FBXL7: variants seen among roughly 807,000 people sequenced by gnomAD.
FBXL7 encodes F-box/LRR-repeat protein 7.
FBXL7 carries 12 observed loss-of-function variants against 38.3 expected under a neutral mutation model. The observed-to-expected ratio is 0.31, with a 90% confidence interval of 0.20 to 0.51. The LOEUF is 0.51. Among genes scored for constraint, FBXL7 ranks in the 20% least tolerant of loss-of-function variants. The probability of loss-of-function intolerance (pLI) is 0.98; values close to 1 mark genes in which losing one functional copy is unlikely to be tolerated. For synonymous variants in FBXL7, 297 were observed against 300.9 expected (o/e 0.99, Z 0.13); for missense variants, 567 against 676.4 (o/e 0.84, Z 1.79).
intron 2 of FBXL7, among the ~76,000 whole-genome samples, chr5:15,821,718 C>G (rs1738173943): frequency 6.6e-6 from 1 of 152,166 alleles, no homozygotes; most frequent in South Asian, 2.1e-4. Flanking sequence ...GAAAGACTTT[C>G]CAGATTTTAA....
intron 1 of FBXL7, among the ~76,000 whole-genome samples, chr5:15,551,823 A>C (rs1189299463): frequency 1.1e-4 from 17 of 152,206 alleles, no homozygotes; most frequent in Admixed American, 1.1e-3. Context: ...ATAGGCTGAC[A>C]CTGGGAGAAG....
intron 2 of FBXL7, among the ~76,000 whole-genome samples, chr5:15,927,448 G>A (rs1026436755): frequency 9.2e-5 from 14 of 152,242 alleles, no homozygotes; most frequent in African/African-American, 3.4e-4. Context: ...GAATGAGAAT[G>A]TTGCCCCCAT....
intron 1 of FBXL7, among the ~76,000 whole-genome samples, chr5:15,511,661 C>T (rs1468264504): frequency 6.6e-6 from 1 of 152,200 alleles, no homozygotes; most frequent in East Asian, 1.9e-4. Flanking sequence ...AATTATAAGG[C>T]ATTTCAGGAA....
At chr5:15,650,155 G>A (rs1249884027) in intron 2 of FBXL7, among the ~76,000 whole-genome samples, 1 of 152,066 alleles carries the variant, frequency 6.6e-6, no homozygotes, top group African/African-American at 2.4e-5. Flanking sequence ...CCTGCTTCAC[G>A]CACAATTGTA....
At chr5:15,766,213 C>A (rs1055427700) in intron 2 of FBXL7, among the ~76,000 whole-genome samples, 5 of 152,194 alleles carry the variant, frequency 3.3e-5, no homozygotes, top group African/African-American at 1.2e-4. Flanking sequence ...GGCCTCCTAG[C>A]CTTCCATGAA....
At chr5:15,806,818 T>C (rs1276268806) in intron 2 of FBXL7, among the ~76,000 whole-genome samples, 1 of 152,214 alleles carries the variant, frequency 6.6e-6, no homozygotes, top group East Asian at 1.9e-4. Context: ...CAGAGTAAGG[T>C]GGACAGCTGA....
At chr5:15,713,369 G>C (rs1743939434) in intron 2 of FBXL7, among the ~76,000 whole-genome samples, 2 of 152,164 alleles carry the variant, frequency 1.3e-5, no homozygotes, top group Admixed American at 1.3e-4. Flanking sequence ...GGAATTATGG[G>C]AGCTACAATT....
chr5:15,715,673 A>T (rs1744023144), intron 2 of FBXL7, among the ~76,000 whole-genome samples: 1 of 152,168 alleles, frequency 6.6e-6, no homozygotes, highest in Non-Finnish European at 1.5e-5. Context: ...TATTTGCAAA[A>T]ATAGGCAGTA....
intron 2 of FBXL7, among the ~76,000 whole-genome samples, chr5:15,626,457 T>C (rs903787712): frequency 1.3e-5 from 2 of 152,156 alleles, no homozygotes; most frequent in Non-Finnish European, 2.9e-5. Flanking sequence ...AGTAATAAGT[T>C]TAATTTCTTG....
intron 2 of FBXL7, among the ~76,000 whole-genome samples, chr5:15,655,866 T>C (rs576758954): frequency 1.1e-4 from 16 of 152,340 alleles, no homozygotes; most frequent in Non-Finnish European, 1.8e-4. Context: ...ACTCAGGTTA[T>C]TGCTGCAAAC....
At chr5:15,838,819 C>T (rs1384031402) in intron 2 of FBXL7, among the ~76,000 whole-genome samples, 2 of 152,162 alleles carry the variant, frequency 1.3e-5, no homozygotes, top group Non-Finnish European at 2.9e-5. Flanking sequence ...TTATCTCACA[C>T]ATCCCTTTCT....
chr5:15,503,416 G>A (rs1251382183), intron 1 of FBXL7, among the ~76,000 whole-genome samples: 1 of 152,158 alleles, frequency 6.6e-6, no homozygotes, highest in Admixed American at 6.5e-5. Flanking sequence ...ACAAGACTCC[G>A]TGTCAAAAAA....
At chr5:15,796,671 T>A (rs1479996705) in intron 2 of FBXL7, among the ~76,000 whole-genome samples, 3 of 152,180 alleles carry the variant, frequency 2.0e-5, no homozygotes, top group Non-Finnish European at 2.9e-5. Context: ...GCTTTACAAG[T>A]GAGAGAAGCA....
chr5:15,576,060 GAGA>G (rs982268879), intron 1 of FBXL7, among the ~76,000 whole-genome samples: 1 of 145,754 alleles, frequency 6.9e-6, no homozygotes, highest in Non-Finnish European at 1.5e-5. Flanking sequence ...ATGGTTGCCA[GAGA>G]ATCTCATTCT....
At chr5:15,724,245 A>G (rs1207674245) in intron 2 of FBXL7, among the ~76,000 whole-genome samples, 1 of 151,980 alleles carries the variant, frequency 6.6e-6, no homozygotes, top group African/African-American at 2.4e-5. Context: ...AGTGCTTAAA[A>G]CTTCCTTTTT....
At chr5:15,897,143 T>A (rs896427627) in intron 2 of FBXL7, among the ~76,000 whole-genome samples, 13 of 152,262 alleles carry the variant, frequency 8.5e-5, no homozygotes, top group Non-Finnish European at 1.8e-4. Context: ...TCTCTATATA[T>A]ACGTATATAT....
At chr5:15,725,249 A>G (rs1271363972) in intron 2 of FBXL7, among the ~76,000 whole-genome samples, 1 of 151,834 alleles carries the variant, frequency 6.6e-6, no homozygotes, top group African/African-American at 2.4e-5. Context: ...GATCTTTCTT[A>G]TTTTTTAATA....
intron 2 of FBXL7, among the ~76,000 whole-genome samples, chr5:15,894,598 G>T (rs1417826491): frequency 6.6e-6 from 1 of 152,090 alleles, no homozygotes; most frequent in African/African-American, 2.4e-5. Context: ...TTCTGTTTAG[G>T]GTTTAGATGA....
intron 2 of FBXL7, among the ~76,000 whole-genome samples, 176 bp from the exon 3 acceptor site, chr5:15,927,714 G>T (rs1182800684): frequency 7.1e-6 from 1 of 140,146 alleles, no homozygotes; most frequent in Non-Finnish European, 1.5e-5. Context: ...GGCGGAGGTT[G>T]CCATGAGCCA....
Sources: gnomAD v4.1 joint callset for allele counts (sites outside exome capture counted in the v4.1 genomes callset) on GRCh38, gnomAD v4.1.1 for gene constraint, MANE v1.5 for transcripts, NCBI Gene and HGNC (gene_info 2026-07-23, HGNC 2026-07-21) for gene names.